The following ATP5MC2 variants were observed in gnomAD, a reference collection of about 807,000 sequenced individuals.
ATP5MC2 encodes the protein ATP synthase membrane subunit c locus 2, also known as ATP synthase F(0) complex subunit C2, mitochondrial.
In ATP5MC2, 11 loss-of-function variants were observed where a neutral mutation model predicts 13.5. The observed-to-expected ratio is 0.81, with a 90% CI of 0.51 to 1.35. The LOEUF is 1.35. Ranked by LOEUF, ATP5MC2 falls within the 40% of genes most tolerant of loss-of-function variation. The pLI, the probability that ATP5MC2 is intolerant of heterozygous loss-of-function variation, is 0.00. For synonymous variants in ATP5MC2, 64 were observed against 69.7 expected (o/e 0.92, Z 0.41); for missense variants, 132 against 175.0 (o/e 0.75, Z 1.39).
intron 4 of ATP5MC2, 140 bp downstream of exon 4, chr12:53,669,008 A>C: frequency 8.2e-7 from 1 of 1,226,442 alleles, no homozygotes; most frequent in Non-Finnish European, 1.1e-6. Flanking sequence ...ACAGAGCGTT[A>C]CTGTCTCAAA....
At chr12:53,676,361 G>GT, upstream of ATP5MC2, 1 of 957,166 alleles carries the variant, frequency 1.0e-6, no homozygotes, top group Non-Finnish European at 1.5e-6. Flanking sequence ...TGGGATCTCG[G>GT]ACTTGCGTCC....
intron 2 of ATP5MC2, among the ~76,000 whole-genome samples, chr12:53,671,486 A>G (rs957189583): frequency 5.9e-5 from 9 of 152,214 alleles, no homozygotes; most frequent in Non-Finnish European, 8.8e-5. Context: ...TGAGTCAAAT[A>G]CTTTTCCAAT....
At chr12:53,666,440 G>A (rs1470198867) in intron 4 of ATP5MC2, among the ~76,000 whole-genome samples, 1 of 152,126 alleles carries the variant, frequency 6.6e-6, no homozygotes, top group East Asian at 1.9e-4. Flanking sequence ...AGCCAGGCGT[G>A]TTGGCAGGCG....
At chr12:53,680,968 A>G (rs547414761), upstream of ATP5MC2, among the ~76,000 whole-genome samples, 9 of 152,176 alleles carry the variant, frequency 5.9e-5, no homozygotes, top group African/African-American at 1.9e-4. Flanking sequence ...GTGCAGTGGC[A>G]TGATCTTGGC....
At chr12:53,665,514 C>T in intron 4 of ATP5MC2, 86 bp from the exon 5 acceptor site, 1 of 1,104,110 alleles carries the variant, frequency 9.1e-7, no homozygotes, top group Non-Finnish European at 1.4e-6. Flanking sequence ...GGGAGAATCC[C>T]CCTCTTCAAG....
intron 2 of ATP5MC2, among the ~76,000 whole-genome samples, chr12:53,670,771 G>A (rs977257022): frequency 2.0e-5 from 3 of 151,520 alleles, no homozygotes; most frequent in Non-Finnish European, 4.4e-5. Context: ...TACAGGCGCC[G>A]GCAACCACGC....
intron 1 of ATP5MC2, among the ~76,000 whole-genome samples, chr12:53,674,486 T>G (rs562564568): frequency 6.6e-6 from 1 of 152,366 alleles, no homozygotes; most frequent in East Asian, 1.9e-4. Context: ...GAGGATAGAC[T>G]TGAACTTGGA....
At chr12:53,669,813 G>A in intron 3 of ATP5MC2, 58 bp downstream of exon 3, 1 of 1,565,670 alleles carries the variant, frequency 6.4e-7, no homozygotes, top group Non-Finnish European at 8.8e-7. Context: ...GGTTCTGGCA[G>A]GTAACCCTCC....
chr12:53,667,958 T>TACATACATACATAC (rs1565625194), intron 4 of ATP5MC2, among the ~76,000 whole-genome samples: 3 of 14,164 alleles, frequency 2.1e-4, no homozygotes, highest in African/African-American at 9.9e-4. Flanking sequence ...TACACACACA[T>TACATACATACATAC]ATATATATAT....
chr12:53,669,949 C>T lies in ATP5MC2; in HGVS notation c.40-1G>A. The T allele has an allele frequency of 6.2e-7, 1 of 1,614,086 alleles. No homozygotes were observed. Among genetic ancestry groups the T allele is most frequent in the East Asian group, 2.2e-5 (1 of 44,884 alleles). On this transcript the variant is annotated splice_acceptor_variant, in intron 2 of 4. Transcript: ENST00000394349. LOFTEE classifies it high-confidence loss of function. ...TCAGCAGCTGTGAGGTGCTCTTGAC[C>T]TAGCAGGAATGACATACAGGGGCAG...
upstream of ATP5MC2, chr12:53,676,190 C>T (rs756550811): frequency 3.7e-6 from 6 of 1,612,860 alleles, no homozygotes; most frequent in East Asian, 1.3e-4. Flanking sequence ...TCAGCTCAGG[C>T]ATCACAGCGC....
rs1375870818 is a variant in ATP5MC2, at chr12:53,676,079, A to T, written c.-58T>A. Reference sequence around the variant, plus strand: ...TGCTCCCACTGCAGAGAAGACAGAGAGGGGCGGAGCAGCGGGAAGAGCGAA... The same window carrying T: ...TGCTCCCACTGCAGAGAAGACAGAGTGGGGCGGAGCAGCGGGAAGAGCGAA... On this transcript the variant is annotated 5_prime_UTR_variant, in exon 1 of 5. Coordinates refer to ENST00000394349, the MANE Select transcript of ATP5MC2 (RefSeq NM_005176.7). 1 of 1,614,222 alleles carries T rather than the reference A, an allele frequency of 6.2e-7. No individual in the cohort carries two copies. Among genetic ancestry groups the T allele is most frequent in the Admixed American group, 1.7e-5 (1 of 60,036 alleles).
At chr12:53,667,696 C>T (rs1944958069) in intron 4 of ATP5MC2, among the ~76,000 whole-genome samples, 1 of 151,752 alleles carries the variant, frequency 6.6e-6, no homozygotes, top group African/African-American at 2.4e-5. Context: ...GGGGTTTCAC[C>T]ATGTTGGCCA....
chr12:53,666,502 G>A (rs948645866), intron 4 of ATP5MC2, among the ~76,000 whole-genome samples: 2 of 151,878 alleles, frequency 1.3e-5, no homozygotes, highest in African/African-American at 2.4e-5. Flanking sequence ...GCGTGAACCC[G>A]GGAGGCAGAG....
chr12:53,669,270 G>A lies in ATP5MC2; in HGVS notation c.189C>T (p.Ala63=), dbSNP rs936889046. The part of the protein sequence containing the change: ...LVSSRSFQTS[A]ISRDIDTAAK... Reference sequence around the variant, plus strand: ...CTGCTGTGTCGATGTCCCTTGAAATGGCGCTGGTTTGGAAGCTGCGGCTAG... The same window carrying A: ...CTGCTGTGTCGATGTCCCTTGAAATAGCGCTGGTTTGGAAGCTGCGGCTAG... The change falls in exon 4 of 5, where the codon GCC becomes GCT. Residue 63 remains alanine (A), a synonymous_variant. Transcript: ENST00000394349. The A allele has an allele frequency of 1.2e-6, 2 of 1,614,152 alleles. No homozygotes were observed. Among genetic ancestry groups the A allele is most frequent in the Non-Finnish European group, 1.7e-6 (2 of 1,180,014 alleles).
chr12:53,671,658 T>C (rs1398199774), intron 2 of ATP5MC2, among the ~76,000 whole-genome samples: 4 of 152,208 alleles, frequency 2.6e-5, no homozygotes, highest in African/African-American at 9.6e-5. Flanking sequence ...TTACACGACA[T>C]ATAGTTTCAG....
At chr12:53,665,751 A>ATGGAAGAGGCATCCAGGG (rs71068159) in intron 4 of ATP5MC2, among the ~76,000 whole-genome samples, 1 of 151,916 alleles carries the variant, frequency 6.6e-6, no homozygotes, top group African/African-American at 2.4e-5. Flanking sequence ...CCCAAATAGG[A>ATGGAAGAGGCATCCAGGG]TGGAAGGGTC....
chr12:53,666,900 T>G (rs973685323), intron 4 of ATP5MC2, among the ~76,000 whole-genome samples: 1 of 149,848 alleles, frequency 6.7e-6, no homozygotes, highest in Non-Finnish European at 1.5e-5. Flanking sequence ...GGGCTGAGAT[T>G]GTGCCACTGC....
At chr12:53,669,792 T>C (rs1162982687) in intron 3 of ATP5MC2, 79 bp downstream of exon 3, 14 of 1,464,094 alleles carry the variant, frequency 9.6e-6, no homozygotes, top group South Asian at 6.9e-5. Context: ...GTCCTCAGCA[T>C]TCTACCTCCT....
Sources: gnomAD v4.1 joint callset for allele counts (sites outside exome capture counted in the v4.1 genomes callset) on GRCh38, gnomAD v4.1.1 for gene constraint, MANE v1.5 for transcripts, NCBI Gene and HGNC (gene_info 2026-07-23, HGNC 2026-07-21) for gene names.